The following PDE1C variants were observed in gnomAD, a reference collection of about 807,000 sequenced individuals.
PDE1C encodes dual specificity calcium/calmodulin-dependent 3',5'-cyclic nucleotide phosphodiesterase 1C.
A neutral mutation model predicts 93.1 loss-of-function variants in PDE1C; 62 were observed. The observed-to-expected ratio is 0.67, with a 90% CI of 0.54 to 0.82. PDE1C has a LOEUF of 0.82. Ranked by LOEUF, PDE1C falls within the 40% of genes least tolerant of loss-of-function variation. The probability of loss-of-function intolerance (pLI) is 0.00; values close to 1 mark genes in which losing one functional copy is unlikely to be tolerated. For synonymous variants in PDE1C, 325 were observed against 310.1 expected (o/e 1.05, Z -0.50); for missense variants, 742 against 884.6 (o/e 0.84, Z 2.04).
chr7:31,911,027 T>G (rs1435590079), intron 2 of PDE1C, among the ~76,000 whole-genome samples: 1 of 152,180 alleles, frequency 6.6e-6, no homozygotes, highest in African/African-American at 2.4e-5. Flanking sequence ...GTAAGTCAAT[T>G]GCTTACATAT....
intron 15 of PDE1C, among the ~76,000 whole-genome samples, chr7:31,815,550 G>T (rs535962380): frequency 6.8e-4 from 103 of 152,244 alleles, no homozygotes; most frequent in African/African-American, 2.4e-3. Flanking sequence ...CAAACCTGAG[G>T]TCTGGCCCTC....
chr7:32,335,643 C>A (rs215651), intron 1 of PDE1C, among the ~76,000 whole-genome samples: 145,114 of 152,198 alleles, frequency 0.95, 69,370 homozygotes, highest in East Asian at 1. Context: ...CTCATAAGGA[C>A]ACCAATCATA....
intron 2 of PDE1C, among the ~76,000 whole-genome samples, chr7:31,991,470 G>C (rs1784129915): frequency 6.6e-6 from 1 of 152,220 alleles, no homozygotes; most frequent in Non-Finnish European, 1.5e-5. Flanking sequence ...TAGCTCTGCA[G>C]TCATCAAGAA....
At chr7:32,259,972 C>A (rs1810083582) in intron 1 of PDE1C, among the ~76,000 whole-genome samples, 1 of 152,182 alleles carries the variant, frequency 6.6e-6, no homozygotes, top group Non-Finnish European at 1.5e-5. Flanking sequence ...GCTTGGTGCC[C>A]AGAAATTCTT....
chr7:31,648,985 C>G, the PDE1C span, among the ~76,000 whole-genome samples: 2 of 152,256 alleles, frequency 1.3e-5, no homozygotes, highest in Non-Finnish European at 2.9e-5. Context: ...CTTTTCTGGT[C>G]TTAAGAGCCA....
intron 1 of PDE1C, among the ~76,000 whole-genome samples, chr7:32,372,294 T>C (rs893997604): frequency 6.6e-6 from 1 of 152,112 alleles, no homozygotes; most frequent in African/African-American, 2.4e-5. Context: ...TCTCAAATGA[T>C]CCACCCACCT....
intron 2 of PDE1C, among the ~76,000 whole-genome samples, chr7:32,185,615 T>C (rs1803799186): frequency 6.6e-6 from 1 of 152,200 alleles, no homozygotes; most frequent in African/African-American, 2.4e-5. Flanking sequence ...ATATTCAAAT[T>C]TGTTTGCATA....
intron 17 of PDE1C, among the ~76,000 whole-genome samples, chr7:31,774,035 G>A (rs1283610180): frequency 6.6e-6 from 1 of 152,160 alleles, no homozygotes; most frequent in East Asian, 1.9e-4. Context: ...TTTGACTTGG[G>A]TGAGGGAGCT....
intron 16 of PDE1C, among the ~76,000 whole-genome samples, chr7:31,779,119 G>A (rs1446823972): frequency 6.6e-6 from 1 of 152,178 alleles, no homozygotes; most frequent in East Asian, 1.9e-4. Flanking sequence ...GCGAGGTTTA[G>A]GGACCTGGGT....
intron 2 of PDE1C, among the ~76,000 whole-genome samples, chr7:31,956,577 G>C (rs1249079295): frequency 2.7e-5 from 4 of 149,926 alleles, no homozygotes; most frequent in Non-Finnish European, 5.9e-5. Context: ...TAAGAAAAAA[G>C]CCTTCTTTAG....
chr7:31,786,232 T>A (rs1437807875), intron 16 of PDE1C: 1 of 152,118 alleles, frequency 6.6e-6, no homozygotes, highest in East Asian at 1.9e-4. Flanking sequence ...TAGATTGGTG[T>A]CATCTTCCCT....
intron 1 of PDE1C, among the ~76,000 whole-genome samples, chr7:32,222,112 G>A (rs113076059): frequency 1.3e-5 from 2 of 151,912 alleles, no homozygotes; most frequent in African/African-American, 2.4e-5. Flanking sequence ...GTATATACAC[G>A]CACACACACA....
At chr7:32,139,403 A>C (rs1800397009) in intron 3 of PDE1C, among the ~76,000 whole-genome samples, 1 of 148,106 alleles carries the variant, frequency 6.8e-6, no homozygotes, top group Non-Finnish European at 1.5e-5. Context: ...AGAGTCCTTC[A>C]AACTCTGTGA....
rs1021467201 is a variant in PDE1C at position 32,070,206 on chromosome 7, C to T, written c.101+87G>A. 16 of 1,588,958 alleles carry T rather than the reference C, an allele frequency of 1.0e-5. No individual in the cohort carries two copies. The African/African-American group carries it at 1.7e-4, about 17-fold the overall frequency. On this transcript the variant is annotated intron_variant, in intron 1 of 17. Transcript: ENST00000396191. ...TTGTATTTAAAGGCCCATGCAGGAA[C>T]AGGGTGAGCAGTCGTGACTGCGGCT...
chr7:31,676,000 A>G, the PDE1C span, among the ~76,000 whole-genome samples: 1 of 152,146 alleles, frequency 6.6e-6, no homozygotes, highest in African/African-American at 2.4e-5. Flanking sequence ...CCCATCTCCC[A>G]GAGTTGCCTT....
the PDE1C span, among the ~76,000 whole-genome samples, chr7:31,738,492 C>T: frequency 1.3e-5 from 2 of 152,174 alleles, no homozygotes; most frequent in Non-Finnish European, 2.9e-5. Context: ...ATTCAGTTAT[C>T]GCCACCTGGC....
intron 3 of PDE1C, among the ~76,000 whole-genome samples, chr7:32,150,311 T>A (rs952236280): frequency 2.6e-5 from 4 of 152,186 alleles, no homozygotes; most frequent in Non-Finnish European, 5.9e-5. Context: ...CATTAAGTCC[T>A]CAGTGATAAA....
At chr7:32,225,799 C>T (rs1370400357) in intron 1 of PDE1C, among the ~76,000 whole-genome samples, 4 of 152,188 alleles carry the variant, frequency 2.6e-5, no homozygotes, top group African/African-American at 7.2e-5. Flanking sequence ...GTGGTTCACA[C>T]CTGTAATCCC....
intron 16 of PDE1C, among the ~76,000 whole-genome samples, chr7:31,800,596 T>C (rs1445180246): frequency 3.3e-5 from 5 of 151,526 alleles, no homozygotes; most frequent in Admixed American, 6.6e-5. Context: ...GATCTGTTGG[T>C]CTGTGTTGAT....
Sources: gnomAD v4.1 joint callset for allele counts (sites outside exome capture counted in the v4.1 genomes callset) on GRCh38, gnomAD v4.1.1 for gene constraint, MANE v1.5 for transcripts, NCBI Gene and HGNC (gene_info 2026-07-23, HGNC 2026-07-21) for gene names.